The following PDE1C variants were observed in gnomAD, a reference collection of about 807,000 sequenced individuals.
PDE1C encodes the protein phosphodiesterase 1C.
A neutral mutation model predicts 93.1 loss-of-function variants in PDE1C; 62 were observed. The ratio of observed to expected loss-of-function variants is 0.67; its 90% CI spans 0.54 to 0.82. PDE1C has a LOEUF of 0.82. Ranked by LOEUF, PDE1C falls within the 40% of genes least tolerant of loss-of-function variation. The probability of loss-of-function intolerance (pLI) is 0.00; values close to 1 mark genes in which losing one functional copy is unlikely to be tolerated. For missense variants in PDE1C, 742 were observed against 884.6 expected, an observed-to-expected ratio of 0.84 and a Z score of 2.04; for synonymous variants, 325 against 310.1, an observed-to-expected ratio of 1.05 and a Z score of -0.50.
intron 1 of PDE1C, among the ~76,000 whole-genome samples, chr7:32,322,823 C>G (rs1423715056): frequency 6.6e-6 from 1 of 152,068 alleles, no homozygotes; most frequent in Non-Finnish European, 1.5e-5. Flanking sequence ...GCATCTTGGC[C>G]AGGATGGTCT....
At chr7:31,709,569 T>A in the PDE1C span, among the ~76,000 whole-genome samples, 1 of 152,082 alleles carries the variant, frequency 6.6e-6, no homozygotes, top group African/African-American at 2.4e-5. Flanking sequence ...AGTAGGGGGA[T>A]CCCATCAGTT....
chr7:32,104,460 T>G (rs189911397), intron 3 of PDE1C, among the ~76,000 whole-genome samples: 9 of 152,334 alleles, frequency 5.9e-5, no homozygotes, highest in African/African-American at 2.2e-4. Flanking sequence ...TTTTAAGACA[T>G]GCAAGTTTTC....
intron 16 of PDE1C, among the ~76,000 whole-genome samples, chr7:31,805,700 T>C (rs1233248063): frequency 6.6e-6 from 1 of 151,634 alleles, no homozygotes; most frequent in Non-Finnish European, 1.5e-5. Flanking sequence ...TTTATCTCTC[T>C]GTAATCCTCT....
chr7:32,341,063 G>C (rs920476357), intron 1 of PDE1C, among the ~76,000 whole-genome samples: 8 of 152,106 alleles, frequency 5.3e-5, no homozygotes, highest in African/African-American at 1.9e-4. Flanking sequence ...CTCCAGTGGG[G>C]GATGTTGATA....
At chr7:32,234,876 T>G (rs1413814500) in intron 1 of PDE1C, among the ~76,000 whole-genome samples, 4 of 151,988 alleles carry the variant, frequency 2.6e-5, no homozygotes, top group Non-Finnish European at 5.9e-5. Flanking sequence ...CTAAATAAAG[T>G]GTTAGCAAAT....
intron 10 of PDE1C, 63 bp from the exon 11 acceptor site, chr7:31,837,363 T>C: frequency 6.9e-7 from 1 of 1,441,940 alleles, no homozygotes; most frequent in Non-Finnish European, 9.2e-7. Context: ...GTAAGAGTTT[T>C]TTAAAAATCA....
chr7:31,704,520 C>T, the PDE1C span, among the ~76,000 whole-genome samples: 8 of 152,318 alleles, frequency 5.3e-5, 1 homozygote, highest in South Asian at 1.7e-3. Context: ...CTACTGCATT[C>T]TAAGTCTTGT....
the PDE1C span, among the ~76,000 whole-genome samples, chr7:31,677,465 T>C: frequency 6.6e-6 from 1 of 152,210 alleles, no homozygotes; most frequent in African/African-American, 2.4e-5. Context: ...GTGATTCCTC[T>C]TCCCAGACAT....
chr7:32,293,984 G>A (rs913542666), intron 1 of PDE1C, among the ~76,000 whole-genome samples: 1 of 152,102 alleles, frequency 6.6e-6, no homozygotes. Flanking sequence ...CCCCAGGGGA[G>A]GCCGGGGGCC....
intron 2 of PDE1C, among the ~76,000 whole-genome samples, chr7:31,888,200 A>G (rs1798189299): frequency 7.3e-6 from 1 of 136,708 alleles, no homozygotes; most frequent in African/African-American, 2.8e-5. Context: ...CAGTGAGCCG[A>G]GATTGTGCCA....
At chr7:32,396,149 C>A (rs2128094093) in intron 1 of PDE1C, among the ~76,000 whole-genome samples, 2 of 152,230 alleles carry the variant, frequency 1.3e-5, no homozygotes, top group East Asian at 3.9e-4. Context: ...CTAGCCCCAG[C>A]AGAGAGTAAA....
chr7:31,763,953 AT>A (rs574363067), intron 17 of PDE1C, among the ~76,000 whole-genome samples: 148 of 149,552 alleles, frequency 9.9e-4, no homozygotes, highest in African/African-American at 3.4e-3. Flanking sequence ...TAAAATCTGC[AT>A]TTGTGAAAAT....
chr7:31,939,067 C>A (rs183146303), intron 2 of PDE1C, among the ~76,000 whole-genome samples: 1 of 152,108 alleles, frequency 6.6e-6, no homozygotes, highest in African/African-American at 2.4e-5. Flanking sequence ...AAAGCTCAAG[C>A]GCTGGCAAAA....
At chr7:31,973,156 G>T (rs1322603647) in intron 2 of PDE1C, among the ~76,000 whole-genome samples, 1 of 152,182 alleles carries the variant, frequency 6.6e-6, no homozygotes, top group South Asian at 2.1e-4. Context: ...GCAAATATAT[G>T]TGACAGAGGA....
At chr7:32,083,200 G>C (rs930869400) in intron 3 of PDE1C, among the ~76,000 whole-genome samples, 2 of 152,074 alleles carry the variant, frequency 1.3e-5, no homozygotes, top group African/African-American at 4.8e-5. Flanking sequence ...ACTACGTGAA[G>C]AATGCAGAAG....
At chr7:32,338,345 T>C (rs777443203) in intron 1 of PDE1C, among the ~76,000 whole-genome samples, 4 of 152,100 alleles carry the variant, frequency 2.6e-5, no homozygotes, top group Non-Finnish European at 4.4e-5. Flanking sequence ...ATACAAGATA[T>C]ACAAATGGTC....
chr7:31,946,760 T>C (rs922763534), intron 2 of PDE1C, among the ~76,000 whole-genome samples: 6 of 152,148 alleles, frequency 3.9e-5, no homozygotes, highest in African/African-American at 1.4e-4. Context: ...CTCTTAAACT[T>C]GTCTTTTCTC....
intron 2 of PDE1C, among the ~76,000 whole-genome samples, chr7:31,917,211 G>T (rs1802042449): frequency 6.6e-6 from 1 of 152,114 alleles, no homozygotes; most frequent in Non-Finnish European, 1.5e-5. Context: ...TTACGGTAGG[G>T]TTAAATTTCT....
intron 1 of PDE1C, among the ~76,000 whole-genome samples, chr7:32,411,427 G>A (rs967278149): frequency 6.6e-6 from 1 of 152,186 alleles, no homozygotes; most frequent in African/African-American, 2.4e-5. Flanking sequence ...ACTAAATCCT[G>A]TAGGCAATGG....
Sources: allele counts gnomAD v4.1 joint callset (sites outside exome capture counted in the v4.1 genomes callset), GRCh38; gene constraint gnomAD v4.1.1; transcripts MANE v1.5; gene names NCBI Gene and HGNC (gene_info 2026-07-23, HGNC 2026-07-21).